The following CCDC73 variants were observed in gnomAD, a reference collection of about 807,000 sequenced individuals.
The protein encoded by CCDC73 is coiled-coil domain containing 73.
Under a neutral mutation model 116.5 loss-of-function variants are expected in CCDC73, and 95 were observed. The observed-to-expected ratio is 0.82, with a 90% CI of 0.69 to 0.97. The LOEUF (loss-of-function observed/expected upper bound fraction) is 0.97. Among genes scored for constraint, CCDC73 ranks in the 50% least tolerant of loss-of-function variants. The pLI is 0.00. For synonymous variants in CCDC73, 398 were observed against 401.3 expected (o/e 0.99, Z 0.10); for missense variants, 1,066 against 1,206.8 (o/e 0.88, Z 1.73).
At chr11:32,687,341 G>A (rs888916859) in intron 6 of CCDC73, among the ~76,000 whole-genome samples, 1 of 152,124 alleles carries the variant, frequency 6.6e-6, no homozygotes, top group East Asian at 1.9e-4. Context: ...GGTGAGGAGG[G>A]TGACCCTGCA....
At chr11:32,686,374 A>T (rs1292516189) in intron 6 of CCDC73, among the ~76,000 whole-genome samples, 1 of 150,672 alleles carries the variant, frequency 6.6e-6, no homozygotes, top group Non-Finnish European at 1.5e-5. Flanking sequence ...AGAGATGGCA[A>T]ATAGTTAATG....
intron 2 of CCDC73, among the ~76,000 whole-genome samples, chr11:32,745,761 T>G (rs1590626800): frequency 8.3e-6 from 1 of 119,918 alleles, no homozygotes; most frequent in South Asian, 2.7e-4. Flanking sequence ...TTTTTTTTTT[T>G]GCTTTCCATT....
chr11:32,660,248 A>AC (rs1855910550), intron 9 of CCDC73, among the ~76,000 whole-genome samples: 2 of 150,256 alleles, frequency 1.3e-5, no homozygotes, highest in South Asian at 4.2e-4. Context: ...AAAAAAAAAA[A>AC]AAAAAAACAG....
the CCDC73 span, among the ~76,000 whole-genome samples, chr11:32,800,107 G>A: frequency 6.6e-6 from 1 of 152,100 alleles, no homozygotes; most frequent in African/African-American, 2.4e-5. Flanking sequence ...TTTGCTGTAT[G>A]TATTGAATTT....
At position 32,676,070 on chromosome 11, in the gene CCDC73, C is replaced by T. The variant is rs754271862; in HGVS notation, c.430-49G>A. The T allele has an allele frequency of 5.6e-6, 8 of 1,418,572 alleles. No individual in the cohort carries two copies. In the East Asian group the frequency reaches 7.3e-5, roughly 13 times the overall value. The allele number at this position is 1,418,572 out of a possible 1,614,324, so 87.9% of individuals were successfully genotyped here. On this transcript the variant is annotated intron_variant, in intron 7 of 17. Transcript: ENST00000335185. ...TGTTATACATATAACACACACACATCGCCACACACAACAAATATGTAAAAT... is the reference window on the plus strand; with the variant it reads ...TGTTATACATATAACACACACACATTGCCACACACAACAAATATGTAAAAT...
intron 3 of CCDC73, among the ~76,000 whole-genome samples, chr11:32,704,447 C>A (rs1391204929): frequency 6.6e-6 from 1 of 152,246 alleles, no homozygotes; most frequent in Non-Finnish European, 1.5e-5. Flanking sequence ...TTGGCCCCCT[C>A]TGGAAGCTGC....
rs148384963 is a variant in CCDC73, at chr11:32,677,453, T to C, written c.430-1432A>G. 6.5e-3 allele frequency among the ~76,000 whole-genome samples: 994 copies of C among 152,194 alleles called. 8 individuals are homozygous for C. The highest frequency in any genetic ancestry group is 0.022 in the African/African-American group (934 of 41,538). On this transcript the variant is annotated intron_variant, in intron 7 of 17. Coordinates refer to ENST00000335185, the MANE Select transcript of CCDC73 (RefSeq NM_001008391.4). ...ATTTGAATCTTGAGCAAAAAGACTA[T>C]CTAAAACTAGAGAAGTTCAGTAGTG... is the stretch of plus-strand genomic sequence containing the variant.
chr11:32,737,259 G>A (rs1850141574), intron 2 of CCDC73, among the ~76,000 whole-genome samples: 1 of 147,694 alleles, frequency 6.8e-6, no homozygotes, highest in African/African-American at 2.5e-5. Flanking sequence ...GTGTGTGTGT[G>A]TGTGTGTGTG....
intron 3 of CCDC73, among the ~76,000 whole-genome samples, chr11:32,714,651 T>A (rs1283287598): frequency 1.3e-5 from 2 of 151,982 alleles, no homozygotes; most frequent in African/African-American, 2.4e-5. Context: ...TGCCATTCCA[T>A]CAAGAAATTT....
intron 2 of CCDC73, among the ~76,000 whole-genome samples, chr11:32,745,811 A>C (rs1850232995): frequency 7.3e-6 from 1 of 136,710 alleles, no homozygotes; most frequent in Admixed American, 7.9e-5. Flanking sequence ...TTTTGAGCCT[A>C]TGTGTGTCTC....
At chr11:32,606,810 T>C (rs1590538247) in intron 17 of CCDC73, among the ~76,000 whole-genome samples, 1 of 57,916 alleles carries the variant, frequency 1.7e-5, no homozygotes, top group East Asian at 2.7e-4. Context: ...TAAATTCTTT[T>C]TTTTTTTTTT....
At chr11:32,653,348 T>A (rs1855843714) in intron 11 of CCDC73, 121 bp from the exon 12 acceptor site, 1 of 561,618 alleles carries the variant, frequency 1.8e-6, no homozygotes, top group Non-Finnish European at 3.0e-6. Flanking sequence ...ATTTCAATAC[T>A]TTATATTAAA....
At chr11:32,608,150 C>T (rs401257) in intron 17 of CCDC73, among the ~76,000 whole-genome samples, 65,367 of 151,344 alleles carry the variant, frequency 0.43, 14,478 homozygotes, top group African/African-American at 0.49. Context: ...CTGCCCCTGG[C>T]CCCTCCCAAA....
At chr11:32,760,379 C>G in intron 1 of CCDC73, 121 bp from the exon 2 acceptor site, 1 of 584,900 alleles carries the variant, frequency 1.7e-6, no homozygotes, top group Non-Finnish European at 3.0e-6. Flanking sequence ...CACTGAATAA[C>G]AGTTGTGTCA....
intron 2 of CCDC73, among the ~76,000 whole-genome samples, chr11:32,732,859 A>C (rs925762731): frequency 1.3e-5 from 2 of 152,226 alleles, no homozygotes; most frequent in African/African-American, 4.8e-5. Flanking sequence ...AACTGCATCA[A>C]CTAAGAAGCA....
chr11:32,731,001 G>A (rs1850072193), intron 2 of CCDC73, among the ~76,000 whole-genome samples: 1 of 152,194 alleles, frequency 6.6e-6, no homozygotes. Context: ...AAGCACAAGG[G>A]TTTGGGGAAT....
chr11:32,729,028 T>C (rs1242820212), intron 2 of CCDC73, among the ~76,000 whole-genome samples: 1 of 151,798 alleles, frequency 6.6e-6, no homozygotes, highest in African/African-American at 2.4e-5. Flanking sequence ...TTTTTTCAAC[T>C]TTAAGTGCCA....
At chr11:32,748,211 TCTTC>T (rs978830224) in intron 2 of CCDC73, among the ~76,000 whole-genome samples, 4 of 152,200 alleles carry the variant, frequency 2.6e-5, no homozygotes, top group African/African-American at 9.6e-5. Context: ...TTTCCTTTTT[TCTTC>T]CTTCCTGTCT....
chr11:32,727,558 T>C (rs1213924047), intron 2 of CCDC73, among the ~76,000 whole-genome samples: 1 of 152,114 alleles, frequency 6.6e-6, no homozygotes, highest in Non-Finnish European at 1.5e-5. Flanking sequence ...CATCAGTGGA[T>C]ACTGCCTGAA....
Sources: gnomAD v4.1 joint callset for allele counts (sites outside exome capture counted in the v4.1 genomes callset) on GRCh38, gnomAD v4.1.1 for gene constraint, MANE v1.5 for transcripts, NCBI Gene and HGNC (gene_info 2026-07-23, HGNC 2026-07-21) for gene names.